QKI: variants seen among roughly 807,000 people sequenced by gnomAD.
QKI encodes the protein KH domain-containing RNA-binding protein QKI.
QKI carries 10 observed loss-of-function variants against 39.0 expected under a neutral mutation model. The observed-to-expected ratio is 0.26, with a 90% CI of 0.16 to 0.43. The LOEUF (loss-of-function observed/expected upper bound fraction) is 0.43. QKI is among the 20% of genes least tolerant of loss of function. The pLI, the probability that QKI is intolerant of heterozygous loss-of-function variation, is 1.00. For synonymous variants in QKI, 204 were observed against 155.4 expected, an observed-to-expected ratio of 1.31 and a Z score of -2.33; for missense variants, 218 against 428.0, an observed-to-expected ratio of 0.51 and a Z score of 4.33.
chr6:163,424,603 T>C (rs1788266179), intron 1 of QKI, among the ~76,000 whole-genome samples: 2 of 152,148 alleles, frequency 1.3e-5, no homozygotes, highest in South Asian at 4.1e-4. Flanking sequence ...GAAGAGCCTC[T>C]CATACTATAA....
chr6:163,434,221 C>G (rs1789066631), intron 1 of QKI, among the ~76,000 whole-genome samples: 1 of 152,072 alleles, frequency 6.6e-6, no homozygotes, highest in South Asian at 2.1e-4. Flanking sequence ...CAGAGGCATG[C>G]CCAGCCTGAG....
chr6:163,455,874 T>C (rs1329971796), intron 2 of QKI, among the ~76,000 whole-genome samples: 1 of 152,148 alleles, frequency 6.6e-6, no homozygotes, highest in Non-Finnish European at 1.5e-5. Flanking sequence ...TAGTCCATTG[T>C]TGAACTATTC....
At chr6:163,536,779 C>T (rs1781236667) in intron 4 of QKI, among the ~76,000 whole-genome samples, 2 of 152,152 alleles carry the variant, frequency 1.3e-5, no homozygotes, top group Non-Finnish European at 2.9e-5. Context: ...ACTGAATTTT[C>T]CTGAAGCATC....
At chr6:163,455,257 T>G in intron 1 of QKI, 22 bp from the exon 2 acceptor site, 1 of 1,593,012 alleles carries the variant, frequency 6.3e-7, no homozygotes, top group Non-Finnish European at 8.6e-7. Flanking sequence ...TCTAACACAT[T>G]TAAAATTTTT....
chr6:163,415,356 G>A (rs1194661381), intron 1 of QKI, 21 bp downstream of exon 1: 10 of 1,572,602 alleles, frequency 6.4e-6, no homozygotes, highest in South Asian at 3.4e-5. Context: ...CCAGGGCCCC[G>A]GCCCCGGCCC....
At position 163,523,328 on chromosome 6, in the gene QKI, A is replaced by G. The variant is rs185663027; in HGVS notation, c.403-11654A>G. ...ACACATGTGGAATGCACGAGAAAGC[A>G]CCATATGGCTTAGGAGCTTAGTAAT... is the stretch of plus-strand genomic sequence containing the variant. On this transcript the variant is annotated intron_variant, in intron 3 of 7. Transcript: ENST00000361752. Among the ~76,000 whole-genome samples, 4 of 152,330 alleles carry G rather than the reference A, an allele frequency of 2.6e-5. No homozygotes were observed. The South Asian group carries it at 8.3e-4, about 32-fold the overall frequency.
chr6:163,543,552 A>G (rs1781676497), intron 4 of QKI, among the ~76,000 whole-genome samples: 1 of 152,184 alleles, frequency 6.6e-6, no homozygotes, highest in African/African-American at 2.4e-5. Context: ...CTGTCTGCCA[A>G]CCTAAATGAG....
intron 1 of QKI, among the ~76,000 whole-genome samples, chr6:163,421,218 T>A (rs1314005548): frequency 6.6e-6 from 1 of 152,246 alleles, no homozygotes; most frequent in Non-Finnish European, 1.5e-5. Context: ...AAACATGTCA[T>A]GTTATTTGTA....
At chr6:163,487,057 T>A (rs1376716600) in intron 3 of QKI, among the ~76,000 whole-genome samples, 1 of 152,226 alleles carries the variant, frequency 6.6e-6, no homozygotes, top group Non-Finnish European at 1.5e-5. Flanking sequence ...GTCTTGTGAT[T>A]GATACACCAG....
intron 1 of QKI, among the ~76,000 whole-genome samples, chr6:163,444,208 A>G (rs1010599559): frequency 6.6e-6 from 1 of 152,192 alleles, no homozygotes; most frequent in Non-Finnish European, 1.5e-5. Context: ...GTACAGAAGG[A>G]GCACAAAATG....
chr6:163,482,505 C>G (rs563653764), intron 3 of QKI, among the ~76,000 whole-genome samples: 3 of 152,310 alleles, frequency 2.0e-5, no homozygotes, highest in Admixed American at 1.3e-4. Flanking sequence ...ACTTCAGATG[C>G]CAGTTACAAG....
chr6:163,526,331 C>T (rs1464024981), intron 3 of QKI, among the ~76,000 whole-genome samples: 3 of 152,200 alleles, frequency 2.0e-5, no homozygotes, highest in Admixed American at 1.3e-4. Context: ...TATTTTAAAA[C>T]ATCACATTCT....
intron 4 of QKI, among the ~76,000 whole-genome samples, chr6:163,544,546 C>T (rs1781750398): frequency 6.6e-6 from 1 of 152,042 alleles, no homozygotes; most frequent in African/African-American, 2.4e-5. Flanking sequence ...TGCGTGCCCT[C>T]ACTCATCCTC....
intron 3 of QKI, among the ~76,000 whole-genome samples, chr6:163,515,748 C>G (rs1779751580): frequency 6.6e-6 from 1 of 152,126 alleles, no homozygotes; most frequent in African/African-American, 2.4e-5. Context: ...GATCTTATTT[C>G]TAGTTTATTA....
chr6:163,421,675 A>G (rs1788003512), intron 1 of QKI, among the ~76,000 whole-genome samples: 1 of 152,166 alleles, frequency 6.6e-6, no homozygotes, highest in Admixed American at 6.5e-5. Flanking sequence ...TTAATTTTAA[A>G]CAGTGCCATT....
At chr6:163,556,087 A>G (rs979364997) in intron 4 of QKI, among the ~76,000 whole-genome samples, 1 of 152,230 alleles carries the variant, frequency 6.6e-6, no homozygotes, top group Non-Finnish European at 1.5e-5. Flanking sequence ...TGCACTGCCA[A>G]TACCACACAT....
At chr6:163,495,381 G>A (rs950070009) in intron 3 of QKI, among the ~76,000 whole-genome samples, 10 of 151,952 alleles carry the variant, frequency 6.6e-5, no homozygotes, top group African/African-American at 1.9e-4. Context: ...TGAGAGTTGC[G>A]TGTGTGTGTG....
intron 2 of QKI, among the ~76,000 whole-genome samples, chr6:163,468,920 T>TC (rs397740173): frequency 6.6e-6 from 1 of 152,024 alleles, no homozygotes; most frequent in African/African-American, 2.4e-5. Context: ...TTTTTTTTTT[T>TC]CTTCATTCTC....
intron 3 of QKI, among the ~76,000 whole-genome samples, chr6:163,508,123 A>G (rs1779210576): frequency 6.6e-6 from 1 of 152,214 alleles, no homozygotes; most frequent in Admixed American, 6.5e-5. Flanking sequence ...AAAGAGAAAA[A>G]AAATTGAGAG....
Sources: allele counts gnomAD v4.1 joint callset (sites outside exome capture counted in the v4.1 genomes callset), GRCh38; gene constraint gnomAD v4.1.1; transcripts MANE v1.5; gene names NCBI Gene and HGNC (gene_info 2026-07-23, HGNC 2026-07-21).